The following COL8A1 variants were observed in gnomAD, a reference collection of about 807,000 sequenced individuals.
The protein encoded by COL8A1 is collagen type VIII alpha 1 chain, also known as collagen alpha-1(VIII) chain.
COL8A1 carries 21 observed loss-of-function variants against 42.7 expected under a neutral mutation model. The observed-to-expected ratio is 0.49, with a 90% confidence interval of 0.35 to 0.71. The LOEUF is 0.71. Among genes scored for constraint, COL8A1 ranks in the 30% least tolerant of loss-of-function variants. The probability of loss-of-function intolerance (pLI) is 0.01; values close to 1 mark genes in which losing one functional copy is unlikely to be tolerated. For synonymous variants in COL8A1, 367 were observed against 369.1 expected (o/e 0.99, Z 0.06); for missense variants, 788 against 962.4 (o/e 0.82, Z 2.40).
intron 2 of COL8A1, among the ~76,000 whole-genome samples, chr3:99,750,624 A>C (rs993431749): frequency 2.0e-5 from 3 of 152,196 alleles, no homozygotes; most frequent in African/African-American, 7.2e-5. Flanking sequence ...AAAAATAATA[A>C]TAAATGTAAT....
intron 1 of COL8A1, among the ~76,000 whole-genome samples, chr3:99,657,753 C>T (rs1477256381): frequency 6.6e-6 from 1 of 152,126 alleles, no homozygotes; most frequent in African/African-American, 2.4e-5. Flanking sequence ...CCTCTGGAGA[C>T]TTTACTCTTA....
intron 1 of COL8A1, among the ~76,000 whole-genome samples, chr3:99,741,525 T>C (rs1352461996): frequency 6.6e-6 from 1 of 152,136 alleles, no homozygotes; most frequent in African/African-American, 2.4e-5. Context: ...TTGAGGTAGG[T>C]CTAGAAGCTT....
intron 1 of COL8A1, among the ~76,000 whole-genome samples, chr3:99,717,062 G>A (rs746743964): frequency 2.0e-5 from 3 of 151,974 alleles, no homozygotes; most frequent in African/African-American, 7.2e-5. Flanking sequence ...ATCAAAAAGT[G>A]CATAAGTTTG....
chr3:99,789,976 C>T lies in COL8A1; in HGVS notation c.-3-704C>T, dbSNP rs1007248164. On this transcript the variant is annotated intron_variant, in intron 2 of 3. Transcript: ENST00000652472. Reference sequence around the variant, plus strand: ...TCAGAAGACTTCTGCAGGCTTTGTTCCTGTTTGCTCTTTACATTTACATTT... The same window carrying T: ...TCAGAAGACTTCTGCAGGCTTTGTTTCTGTTTGCTCTTTACATTTACATTT... Among the ~76,000 whole-genome samples, 12 of 152,298 alleles carry T rather than the reference C, an allele frequency of 7.9e-5. No homozygotes were observed. The South Asian group carries it at 2.5e-3, about 32-fold the overall frequency.
At position 99,651,668 on chromosome 3, in the gene COL8A1, TA is replaced by T. The variant is rs373151858; in HGVS notation, c.-129+13005del. 3.7e-3 allele frequency among the ~76,000 whole-genome samples: 564 copies of T among 152,358 alleles called. 5 individuals carry two copies. The highest frequency in any genetic ancestry group is 0.013 in the African/African-American group (531 of 41,586). On this transcript the variant is annotated intron_variant, in intron 1 of 3. Transcript: ENST00000652472. ...TCTGTCTGCAGATTAGATTCTAACC[TA>T]TTAATAAGCCTTCAGAAAATAAGCC...
chr3:99,758,145 C>G (rs1251170333), intron 2 of COL8A1, among the ~76,000 whole-genome samples: 1 of 152,122 alleles, frequency 6.6e-6, no homozygotes, highest in African/African-American at 2.4e-5. Context: ...TAGGTATGAG[C>G]AGGAGCCCAA....
chr3:99,773,837 A>ATTATATATATATATATATATTTT (rs1553682090), intron 2 of COL8A1, among the ~76,000 whole-genome samples: 1 of 45,400 alleles, frequency 2.2e-5, no homozygotes, highest in African/African-American at 1.3e-4. Context: ...ATATATATAT[A>ATTATATATATATATATATATTTT]TTTTTTTTTT....
rs564819101 is a variant in COL8A1 at position 99,777,758 on chromosome 3, A to G, written c.-3-12922A>G. On this transcript the variant is annotated intron_variant, in intron 2 of 3. Coordinates refer to ENST00000652472, the MANE Select transcript of COL8A1 (RefSeq NM_020351.4). ...TAAAGCAAAACGAAGGAAAATTTCAATAAGAACCAAGCTGCCCCAATTCTC... is the reference window on the plus strand; with the variant it reads ...TAAAGCAAAACGAAGGAAAATTTCAGTAAGAACCAAGCTGCCCCAATTCTC... Among the ~76,000 whole-genome samples, 4 of 152,350 alleles carry G rather than the reference A, an allele frequency of 2.6e-5. No homozygotes were observed. The East Asian group carries it at 5.8e-4, about 22-fold the overall frequency.
intron 1 of COL8A1, among the ~76,000 whole-genome samples, chr3:99,727,635 T>G (rs1940373747): frequency 6.6e-6 from 1 of 151,882 alleles, no homozygotes; most frequent in African/African-American, 2.4e-5. Flanking sequence ...TATGCGGCAT[T>G]ATTTCTGAGG....
chr3:99,756,201 T>C (rs918373834), intron 2 of COL8A1, among the ~76,000 whole-genome samples: 2 of 151,316 alleles, frequency 1.3e-5, no homozygotes, highest in African/African-American at 4.9e-5. Flanking sequence ...GAGCTTGGGG[T>C]AGAATCATTT....
intron 1 of COL8A1, among the ~76,000 whole-genome samples, chr3:99,732,157 C>T (rs569053826): frequency 3.6e-4 from 55 of 152,166 alleles, no homozygotes; most frequent in Non-Finnish European, 6.9e-4. Flanking sequence ...ATAAATAAAA[C>T]GATTAATGCA....
chr3:99,737,553 C>G (rs1246699324), intron 1 of COL8A1, among the ~76,000 whole-genome samples: 1 of 151,986 alleles, frequency 6.6e-6, no homozygotes, highest in African/African-American at 2.4e-5. Flanking sequence ...TGAATATTGG[C>G]CCCCACTCTC....
In COL8A1 at chr3:99,790,668, T is replaced by C. The variant is rs767139230; in HGVS notation, c.-3-12T>C. ...GAGTTTCACCAAGTTGGTGCATTGGTTCCTCCCACAGGTGATGGCTGTGCT... is the reference window on the plus strand; with the variant it reads ...GAGTTTCACCAAGTTGGTGCATTGGCTCCTCCCACAGGTGATGGCTGTGCT... On this transcript the variant is annotated splice_polypyrimidine_tract_variant and intron_variant, in intron 2 of 3. Transcript: ENST00000652472. The C allele has an allele frequency of 1.1e-5, 17 of 1,608,532 alleles. No homozygotes were observed. The highest frequency in any genetic ancestry group is 4.4e-5 in the South Asian group (4 of 90,784).
At chr3:99,715,244 A>G (rs1939963117) in intron 1 of COL8A1, among the ~76,000 whole-genome samples, 1 of 152,114 alleles carries the variant, frequency 6.6e-6, no homozygotes, top group Non-Finnish European at 1.5e-5. Context: ...GCAGGATACA[A>G]GAGTGGTCAC....
rs190308048 is a variant in COL8A1, at chr3:99,715,048, T to C, written c.-128-29849T>C. 9.4e-4 allele frequency among the ~76,000 whole-genome samples: 143 copies of C among 152,208 alleles called. 1 individual carries two copies. The highest frequency in any genetic ancestry group is 3.3e-3 in the African/African-American group (136 of 41,550). ...TGTGGTTGTAGGAAAACAAGCACAG[T>C]ATAGTCAGGTTATGATGGAGTTGGA... is the stretch of plus-strand genomic sequence containing the variant. On this transcript the variant is annotated intron_variant, in intron 1 of 3. Transcript: ENST00000652472.
chr3:99,649,523 G>T (rs1937771053), intron 1 of COL8A1, among the ~76,000 whole-genome samples: 3 of 152,122 alleles, frequency 2.0e-5, no homozygotes, highest in African/African-American at 4.8e-5. Context: ...TGTGATTGGG[G>T]TATATCTAGA....
chr3:99,738,747 T>G (rs1576457423), intron 1 of COL8A1, among the ~76,000 whole-genome samples: 1 of 152,022 alleles, frequency 6.6e-6, no homozygotes, highest in Non-Finnish European at 1.5e-5. Flanking sequence ...TGTGGTGGGC[T>G]CCACCCAGTT....
At chr3:99,714,833 G>C (rs1443415802) in intron 1 of COL8A1, among the ~76,000 whole-genome samples, 1 of 152,102 alleles carries the variant, frequency 6.6e-6, no homozygotes, top group Non-Finnish European at 1.5e-5. Context: ...AGAATAAACA[G>C]AGGTGTGCCA....
At chr3:99,773,930 C>T (rs1413726230) in intron 2 of COL8A1, among the ~76,000 whole-genome samples, 5 of 145,936 alleles carry the variant, frequency 3.4e-5, no homozygotes, top group East Asian at 4.1e-4. Flanking sequence ...CTGCAACCTC[C>T]GCCTACCAAG....
Sources: gnomAD v4.1 joint callset for allele counts (sites outside exome capture counted in the v4.1 genomes callset) on GRCh38, gnomAD v4.1.1 for gene constraint, MANE v1.5 for transcripts, NCBI Gene and HGNC (gene_info 2026-07-23, HGNC 2026-07-21) for gene names.